TAF2: variants seen among roughly 807,000 people sequenced by gnomAD.
TAF2 encodes the protein transcription initiation factor TFIID subunit 2.
Under a neutral mutation model 138.5 loss-of-function variants are expected in TAF2, and 61 were observed. The ratio of observed to expected loss-of-function variants is 0.44; its 90% CI spans 0.36 to 0.54. The LOEUF is 0.54. TAF2 is among the 20% of genes least tolerant of loss of function. The pLI, the probability that TAF2 is intolerant of heterozygous loss-of-function variation, is 0.00. For synonymous variants in TAF2, 475 were observed against 469.9 expected (o/e 1.01, Z -0.14); for missense variants, 1,090 against 1,427.9 (o/e 0.76, Z 3.81).
intron 2 of TAF2, among the ~76,000 whole-genome samples, chr8:119,828,445 C>T (rs1826233721): frequency 6.6e-6 from 1 of 152,182 alleles, no homozygotes; most frequent in Admixed American, 6.5e-5. Flanking sequence ...AGAATCACAT[C>T]TGAAATCTAG....
chr8:119,757,388 C>T (rs918156562), intron 21 of TAF2, among the ~76,000 whole-genome samples: 9 of 152,092 alleles, frequency 5.9e-5, no homozygotes, highest in Non-Finnish European at 1.0e-4. Context: ...CAATTCCTCT[C>T]CTTCAGGCCT....
At chr8:119,809,282 T>C (rs774709934) in intron 3 of TAF2, among the ~76,000 whole-genome samples, 37 of 152,234 alleles carry the variant, frequency 2.4e-4, no homozygotes, top group Non-Finnish European at 4.7e-4. Context: ...AGCTTCAAAA[T>C]GTTCTTCTGC....
intron 6 of TAF2, among the ~76,000 whole-genome samples, chr8:119,799,015 T>G (rs2131197070): frequency 6.6e-6 from 1 of 152,298 alleles, no homozygotes; most frequent in African/African-American, 2.4e-5. Flanking sequence ...AAGTCATGTA[T>G]TTGACACAGA....
rs570334610 is a variant in TAF2 at position 119,783,646 on chromosome 8, A to T, written c.1860-13T>A. On this transcript the variant is annotated splice_polypyrimidine_tract_variant and intron_variant, in intron 15 of 25. Coordinates refer to ENST00000378164, the MANE Select transcript of TAF2 (RefSeq NM_003184.4). ...AGGGGAATCAGCACTGCAAGAAAAT[A>T]CAATTTTCTTTTTAATTTAATTTTT... is the stretch of plus-strand genomic sequence containing the variant. The T allele has an allele frequency of 2.5e-6, 4 of 1,610,226 alleles. No homozygotes were observed. Among genetic ancestry groups the T allele is most frequent in the Admixed American group, 3.3e-5 (2 of 59,960 alleles).
chr8:119,780,539 T>C (rs1237595308), intron 17 of TAF2, among the ~76,000 whole-genome samples: 1 of 152,158 alleles, frequency 6.6e-6, no homozygotes, highest in Non-Finnish European at 1.5e-5. Context: ...AAAGGCAAAT[T>C]AAACATTTCT....
intron 22 of TAF2, among the ~76,000 whole-genome samples, chr8:119,752,677 C>T (rs1294953912): frequency 3.3e-5 from 5 of 152,144 alleles, no homozygotes; most frequent in Admixed American, 1.3e-4. Flanking sequence ...ATTTCTCTCT[C>T]GTTGAAAAGT....
chr8:119,744,555 A>G (rs1014182418), intron 23 of TAF2, 162 bp from the exon 24 acceptor site: 2 of 673,168 alleles, frequency 3.0e-6, no homozygotes, highest in Non-Finnish European at 5.2e-6. Flanking sequence ...AAGAGAAAGA[A>G]AAGATTATGT....
At chr8:119,762,903 G>A (rs62526566) in intron 18 of TAF2, 27,607 of 215,134 alleles carry the variant, frequency 0.13, 2,161 homozygotes, top group Middle Eastern at 0.26. Flanking sequence ...AAACAGAAAA[G>A]AGAAGGAAGC....
chr8:119,780,864 GGCGGAGCTTGCAGTGA>G (rs546057269), intron 17 of TAF2, among the ~76,000 whole-genome samples, 173 bp downstream of exon 17: 1,817 of 151,590 alleles, frequency 0.012, 18 homozygotes, highest in Non-Finnish European at 0.018. Flanking sequence ...GAACCCGGGA[GGCGGAGCTTGCAGTGA>G]GCGGAGCTTG....
At chr8:119,768,508 C>T (rs1821602790) in intron 18 of TAF2, among the ~76,000 whole-genome samples, 1 of 152,122 alleles carries the variant, frequency 6.6e-6, no homozygotes, top group Non-Finnish European at 1.5e-5. Flanking sequence ...TTTTATTCCA[C>T]TGTGGTCTGA....
At chr8:119,818,750 A>ACG (rs1484886986) in intron 3 of TAF2, among the ~76,000 whole-genome samples, 1 of 141,984 alleles carries the variant, frequency 7.0e-6, no homozygotes, top group Non-Finnish European at 1.5e-5. Context: ...ACACACACAC[A>ACG]CACACACACA....
At chr8:119,832,458 G>T (rs1826522946) in intron 1 of TAF2, 24 bp downstream of exon 1, 6 of 1,608,390 alleles carry the variant, frequency 3.7e-6, no homozygotes, top group Non-Finnish European at 5.1e-6. Context: ...CAAAAGGAAG[G>T]AAGGGAAATG....
intron 6 of TAF2, among the ~76,000 whole-genome samples, chr8:119,798,725 T>C (rs1348596188): frequency 2.0e-5 from 3 of 152,208 alleles, no homozygotes; most frequent in Non-Finnish European, 4.4e-5. Flanking sequence ...TTCTAATTAC[T>C]GCAGAATTAT....
intron 5 of TAF2, 32 bp downstream of exon 5, chr8:119,803,846 T>G: frequency 3.2e-6 from 5 of 1,580,240 alleles, no homozygotes; most frequent in Non-Finnish European, 4.3e-6. Flanking sequence ...AATTTAAAAA[T>G]TAATTGAAAT....
At chr8:119,812,907 C>T (rs1437943753) in intron 3 of TAF2, among the ~76,000 whole-genome samples, 1 of 152,152 alleles carries the variant, frequency 6.6e-6, no homozygotes, top group East Asian at 1.9e-4. Flanking sequence ...CTGCAATAAA[C>T]ATAGACATGT....
chr8:119,825,198 T>G (rs1339859452), intron 2 of TAF2, among the ~76,000 whole-genome samples: 1 of 152,176 alleles, frequency 6.6e-6, no homozygotes, highest in Admixed American at 6.5e-5. Context: ...TGACATGGAG[T>G]CAAGGGAGAT....
Position 119,832,593 on chromosome 8 carries a change from G to C in TAF2, c.-29C>G. 6.2e-7 allele frequency: 1 copy of C among 1,604,778 alleles called. No individual in the cohort carries two copies. Among genetic ancestry groups the C allele is most frequent in the South Asian group, 1.1e-5 (1 of 90,922 alleles). On this transcript the variant is annotated 5_prime_UTR_variant, in exon 1 of 26. Coordinates refer to ENST00000378164, the MANE Select transcript of TAF2 (RefSeq NM_003184.4). ...GCGGTCCCGCGGAGCTTGGCTTCCC[G>C]GCTTCCTAGGGGGATACGGGGCATT...
At chr8:119,775,592 A>G (rs1409634137) in intron 18 of TAF2, among the ~76,000 whole-genome samples, 2 of 152,180 alleles carry the variant, frequency 1.3e-5, no homozygotes, top group African/African-American at 4.8e-5. Context: ...AGTCCCAGAT[A>G]CTTGGGAGGC....
At chr8:119,793,293 A>AG in intron 10 of TAF2, 73 bp downstream of exon 10, 8 of 1,279,332 alleles carry the variant, frequency 6.3e-6, no homozygotes, top group Non-Finnish European at 9.1e-6. Context: ...ATGAAATACT[A>AG]TTTAGCTCTT....
Sources: allele counts gnomAD v4.1 joint callset (sites outside exome capture counted in the v4.1 genomes callset), GRCh38; gene constraint gnomAD v4.1.1; transcripts MANE v1.5; gene names NCBI Gene and HGNC (gene_info 2026-07-23, HGNC 2026-07-21).